Variants in PTK2 observed in about 807,000 individuals in gnomAD.
The protein encoded by PTK2 is focal adhesion kinase 1.
Under a neutral mutation model 150.1 loss-of-function variants are expected in PTK2, and 45 were observed. That is an observed-to-expected ratio of 0.30 (90% confidence interval 0.24 to 0.38). The LOEUF (loss-of-function observed/expected upper bound fraction) is 0.38. Among genes scored for constraint, PTK2 ranks in the 10% least tolerant of loss-of-function variants. PTK2 has a pLI of 1.00. For synonymous variants in PTK2, 432 were observed against 449.2 expected (o/e 0.96, Z 0.48); for missense variants, 919 against 1,307.3 (o/e 0.70, Z 4.58).
chr8:140,697,454 GTT>G (rs1157625458), intron 26 of PTK2, among the ~76,000 whole-genome samples: 5 of 134,276 alleles, frequency 3.7e-5, no homozygotes, highest in African/African-American at 1.2e-4. Flanking sequence ...GTGTGTGTGT[GTT>G]TTTAAACGGA....
At chr8:140,679,377 C>T (rs150607475) in intron 27 of PTK2, among the ~76,000 whole-genome samples, 169 of 151,914 alleles carry the variant, frequency 1.1e-3, no homozygotes, top group African/African-American at 3.8e-3. Context: ...GGTTGATACT[C>T]GGGTAACAAG....
At chr8:140,812,766 C>T (rs972817018) in intron 10 of PTK2, among the ~76,000 whole-genome samples, 1 of 151,986 alleles carries the variant, frequency 6.6e-6, no homozygotes, top group African/African-American at 2.4e-5. Context: ...TAAACCAACT[C>T]AGTTAAAAAA....
intron 1 of PTK2, among the ~76,000 whole-genome samples, chr8:140,950,572 G>T (rs1270191586): frequency 6.6e-6 from 1 of 152,216 alleles, no homozygotes; most frequent in African/African-American, 2.4e-5. Flanking sequence ...TGGGATCCAG[G>T]CTTGTAGTGT....
intron 1 of PTK2, among the ~76,000 whole-genome samples, chr8:140,929,506 T>C (rs926131313): frequency 6.6e-6 from 1 of 152,132 alleles, no homozygotes; most frequent in African/African-American, 2.4e-5. Flanking sequence ...TGTTTTAAAA[T>C]GTGTCCCCCT....
chr8:140,909,380 A>G (rs1482430280), intron 2 of PTK2, among the ~76,000 whole-genome samples: 1 of 152,242 alleles, frequency 6.6e-6, no homozygotes, highest in East Asian at 1.9e-4. Flanking sequence ...TATAGATTAC[A>G]GGACAGCTAA....
chr8:140,921,160 C>T (rs1328713277), intron 2 of PTK2: 1 of 1,210,144 alleles, frequency 8.3e-7, no homozygotes, highest in Middle Eastern at 3.2e-4. Flanking sequence ...CTGGCTAGAT[C>T]AAGCTACTGA....
chr8:140,673,673 C>T (rs913344778), intron 29 of PTK2, among the ~76,000 whole-genome samples: 8 of 152,114 alleles, frequency 5.3e-5, no homozygotes, highest in African/African-American at 1.4e-4. Context: ...CTCCAGCACT[C>T]GGTGAGGGCT....
intron 1 of PTK2, among the ~76,000 whole-genome samples, chr8:140,986,862 T>C (rs1347449149): frequency 3.3e-5 from 5 of 152,186 alleles, no homozygotes; most frequent in Admixed American, 6.5e-5. Flanking sequence ...CCAAATCTTA[T>C]ACCATAAATG....
chr8:140,930,218 C>T (rs1169925878), intron 1 of PTK2, among the ~76,000 whole-genome samples: 1 of 152,136 alleles, frequency 6.6e-6, no homozygotes, highest in Admixed American at 6.6e-5. Context: ...AAATGAATGA[C>T]TATTTTTAAA....
At chr8:140,888,404 C>A (rs1352938984) in intron 3 of PTK2, among the ~76,000 whole-genome samples, 2 of 152,196 alleles carry the variant, frequency 1.3e-5, no homozygotes, top group African/African-American at 4.8e-5. Context: ...CAGGAAAGGG[C>A]TATGGTGAAT....
chr8:140,719,388 G>C (rs1281820163), intron 22 of PTK2, among the ~76,000 whole-genome samples: 1 of 152,104 alleles, frequency 6.6e-6, no homozygotes, highest in African/African-American at 2.4e-5. Flanking sequence ...GCACTGTTGG[G>C]AACCTGGTCC....
chr8:140,886,134 C>T (rs1033038623), intron 3 of PTK2, among the ~76,000 whole-genome samples: 5 of 152,068 alleles, frequency 3.3e-5, no homozygotes, highest in African/African-American at 1.2e-4. Flanking sequence ...CTAATGTATT[C>T]GATATGGCTT....
At chr8:140,845,943 C>T (rs949273742) in intron 7 of PTK2, among the ~76,000 whole-genome samples, 22 of 152,124 alleles carry the variant, frequency 1.4e-4, no homozygotes, top group African/African-American at 5.1e-4. Flanking sequence ...ATACAGAGAA[C>T]ATGAATAATA....
At chr8:140,956,754 T>C (rs1315884469) in intron 1 of PTK2, among the ~76,000 whole-genome samples, 2 of 152,168 alleles carry the variant, frequency 1.3e-5, no homozygotes, top group African/African-American at 4.8e-5. Flanking sequence ...GTCTTCATTT[T>C]AACAAAAAAG....
At chr8:140,847,859 C>T (rs993823069) in intron 5 of PTK2, among the ~76,000 whole-genome samples, 4 of 152,108 alleles carry the variant, frequency 2.6e-5, no homozygotes, top group African/African-American at 7.2e-5. Flanking sequence ...AGAGTCCCAC[C>T]CCCAGTTAAC....
intron 1 of PTK2, among the ~76,000 whole-genome samples, chr8:140,998,609 G>C (rs2100198702): frequency 1.3e-5 from 2 of 151,936 alleles, no homozygotes; most frequent in Non-Finnish European, 2.9e-5. Context: ...ATGAGGTCAG[G>C]AGATCGAGAC....
intron 14 of PTK2, among the ~76,000 whole-genome samples, chr8:140,766,834 G>A (rs756380059): frequency 2.6e-5 from 4 of 152,172 alleles, no homozygotes; most frequent in Non-Finnish European, 5.9e-5. Flanking sequence ...ACTTCACCTG[G>A]CAATGCTTCA....
intron 1 of PTK2, among the ~76,000 whole-genome samples, chr8:140,935,819 C>T (rs1477744328): frequency 1.3e-5 from 2 of 150,586 alleles, no homozygotes; most frequent in African/African-American, 4.9e-5. Flanking sequence ...TACAGGCATC[C>T]GCCACCACAC....
At position 140,739,005 on chromosome 8, in the gene PTK2, T is replaced by C. The variant is rs2100054145; in HGVS notation, c.1825+13A>G. 1 of 1,491,116 alleles carries C rather than the reference T, an allele frequency of 6.7e-7. No individual in the cohort carries two copies. Among genetic ancestry groups the C allele is most frequent in the Admixed American group, 2.2e-5 (1 of 45,656 alleles). 92.4% of individuals were successfully genotyped at this position (1,491,116 alleles called of 1,614,324 possible). A position where few individuals can be genotyped will look rare whatever the true frequency, so the allele number is the denominator to read the frequency against. Reference sequence around the variant, plus strand: ...TAATTTTTAAAGAATACAAAACTTTTAAGAGTACTCACCAAACATCCATAC... The same window carrying C: ...TAATTTTTAAAGAATACAAAACTTTCAAGAGTACTCACCAAACATCCATAC... On this transcript the variant is annotated intron_variant, in intron 21 of 31. Coordinates refer to ENST00000522684, the Ensembl canonical transcript of PTK2.
Sources: gnomAD v4.1 joint callset for allele counts (sites outside exome capture counted in the v4.1 genomes callset) on GRCh38, gnomAD v4.1.1 for gene constraint, MANE v1.5 for transcripts, NCBI Gene and HGNC (gene_info 2026-07-23, HGNC 2026-07-21) for gene names.